Variants in ULBP1 observed in about 807,000 individuals in gnomAD.
The protein encoded by ULBP1 is UL16 binding protein 1.
Under a neutral mutation model 25.3 loss-of-function variants are expected in ULBP1, and 28 were observed. The ratio of observed to expected loss-of-function variants is 1.10; its 90% CI spans 0.82 to 1.51. The LOEUF is 1.51. ULBP1 is among the 40% of genes most tolerant of loss of function. The pLI, the probability that ULBP1 is intolerant of heterozygous loss-of-function variation, is 0.00. For missense variants in ULBP1, 348 were observed against 290.9 expected, an observed-to-expected ratio of 1.20 and a Z score of -1.43; for synonymous variants, 129 against 103.0, an observed-to-expected ratio of 1.25 and a Z score of -1.53.
intron 1 of ULBP1, among the ~76,000 whole-genome samples, chr6:149,967,727 G>A (rs1779228304): frequency 1.3e-5 from 2 of 152,094 alleles, no homozygotes; most frequent in Non-Finnish European, 2.9e-5. Flanking sequence ...CCTGCTGACA[G>A]TTGACGGCCT....
At position 149,969,328 on chromosome 6, in the gene ULBP1, T is replaced by G. The variant is rs767997484; in HGVS notation, c.593T>G (p.Leu198Trp). ...TGTAAGATGTGGCTTGAAGAATTTT[T>G]GATGTACTGGGAACAAATGCTGGAT... is the stretch of plus-strand genomic sequence containing the variant. ...GDCKMWLEEFLMYWEQMLDPT... is the reference protein window; with the variant it reads ...GDCKMWLEEFWMYWEQMLDPT... The change falls in exon 3 of 5, where the codon TTG becomes TGG. Residue 198 changes from leucine (L) to tryptophan (W), a missense_variant. Leu to Trp is a moderately conservative substitution (Grantham distance 61). Coordinates refer to ENST00000229708, the MANE Select transcript of ULBP1 (RefSeq NM_025218.4). The G allele has an allele frequency of 3.7e-6, 6 of 1,614,076 alleles. No homozygotes were observed. The highest frequency in any genetic ancestry group is 5.1e-6 in the Non-Finnish European group (6 of 1,179,892).
chr6:149,969,306 A>G lies in ULBP1; in HGVS notation c.571A>G (p.Lys191Glu). ...FFQKISLGDC[K>E]MWLEEFLMYW... ...CCAGAAGATTTCACTGGGGGATTGT[A>G]AGATGTGGCTTGAAGAATTTTTGAT... Residue 191 changes from lysine to glutamate, a missense_variant, in exon 3 of 5, where the codon AAG becomes GAG. Lys to Glu is a moderately conservative substitution (Grantham distance 56). Transcript: ENST00000229708. 1 of 1,614,242 alleles carries G rather than the reference A, an allele frequency of 6.2e-7. No homozygotes were observed. The highest frequency in any genetic ancestry group is 8.5e-7 in the Non-Finnish European group (1 of 1,180,040).
At position 149,966,510 on chromosome 6, in the gene ULBP1, C is replaced by T. The variant is rs116003865; in HGVS notation, c.86-2097C>T. Among the ~76,000 whole-genome samples, 498 of 152,262 alleles carry T rather than the reference C, an allele frequency of 3.3e-3. 2 individuals are homozygous for T. The highest frequency in any genetic ancestry group is 0.011 in the African/African-American group (438 of 41,552). On this transcript the variant is annotated intron_variant, in intron 1 of 4. Coordinates refer to ENST00000229708, the MANE Select transcript of ULBP1 (RefSeq NM_025218.4). ...ATAGGTCCCTCAGGGCAATCAGGGA[C>T]CCTCCTTAAAGCCTCAGGTGTGAGC...
Position 149,971,388 on chromosome 6 carries a change from A to G in ULBP1, c.*42A>G, listed in dbSNP as rs1753839409. ...CTCAAGGTGGAAAGTGATATCAAGA[A>G]GCCTCTGTTAGCCTGGTCTGGGTCC... On this transcript the variant is annotated 3_prime_UTR_variant, in exon 5 of 5. Transcript: ENST00000229708. 15 of 985,404 alleles carry G rather than the reference A, an allele frequency of 1.5e-5. No individual in the cohort carries two copies. Among genetic ancestry groups the G allele is most frequent in the Non-Finnish European group, 1.7e-5 (14 of 829,936 alleles). The allele number at this position is 985,404 out of a possible 1,614,324, so 61.0% of individuals were successfully genotyped here. A position where few individuals can be genotyped will look rare whatever the true frequency, so the allele number is the denominator to read the frequency against.
chr6:149,971,241 G>A lies in ULBP1; in HGVS notation c.*23-128G>A, dbSNP rs145361860. 174 of 626,938 alleles carry A rather than the reference G, an allele frequency of 2.8e-4. 1 individual carries two copies. The African/African-American group carries it at 3.4e-3, about 12-fold the overall frequency. 38.8% of individuals were successfully genotyped at this position (626,938 alleles called of 1,614,324 possible). A position where few individuals can be genotyped will look rare whatever the true frequency, so the allele number is the denominator to read the frequency against. ...AGGGTACAGAGCCAGGGGTAGTGTTGGAGGGAAAAGCATGTTTCTTATTTG... is the reference window on the plus strand; with the variant it reads ...AGGGTACAGAGCCAGGGGTAGTGTTAGAGGGAAAAGCATGTTTCTTATTTG... On this transcript the variant is annotated intron_variant, in intron 4 of 4. Transcript: ENST00000229708.
Position 149,971,284 on chromosome 6 carries a change from T to C in ULBP1, c.*23-85T>C, listed in dbSNP as rs73779716. ...CTTATTTGTGGGAGAGGTTCCGAAATGGGGAGGGCCTGGGAAGGATCACCC... is the reference window on the plus strand; with the variant it reads ...CTTATTTGTGGGAGAGGTTCCGAAACGGGGAGGGCCTGGGAAGGATCACCC... On this transcript the variant is annotated intron_variant, in intron 4 of 4. Coordinates refer to ENST00000229708, the MANE Select transcript of ULBP1 (RefSeq NM_025218.4). 6.8e-3 allele frequency: 6,346 copies of C among 933,910 alleles called. 356 individuals are homozygous for C. The African/African-American group carries it at 0.11, about 16-fold the overall frequency. The allele number at this position is 933,910 out of a possible 1,614,324, so 57.9% of individuals were successfully genotyped here.
intron 1 of ULBP1, 33 bp downstream of exon 1, chr6:149,964,167 G>A (rs769637917): frequency 5.6e-6 from 9 of 1,613,050 alleles, no homozygotes; most frequent in Middle Eastern, 1.7e-4. Flanking sequence ...AGCAGGGCGG[G>A]GGCCAAACCT....
intron 1 of ULBP1, among the ~76,000 whole-genome samples, chr6:149,966,094 A>G (rs1483776114): frequency 6.6e-6 from 1 of 152,084 alleles, no homozygotes; most frequent in East Asian, 1.9e-4. Context: ...AGGGTCATAT[A>G]GAATAGTCAC....
intron 1 of ULBP1, among the ~76,000 whole-genome samples, chr6:149,964,996 C>G (rs1359353334): frequency 6.7e-6 from 1 of 150,022 alleles, no homozygotes; most frequent in Non-Finnish European, 1.5e-5. Flanking sequence ...CTCAGTTCCC[C>G]TCCGCGGCTC....
intron 4 of ULBP1, 90 bp downstream of exon 4, chr6:149,970,237 G>A: frequency 6.8e-7 from 1 of 1,478,034 alleles, no homozygotes; most frequent in Non-Finnish European, 9.0e-7. Context: ...CCAGAGGCCG[G>A]GAACTTCTCA....
intron 1 of ULBP1, among the ~76,000 whole-genome samples, chr6:149,966,976 G>A (rs1440815761): frequency 9.2e-5 from 14 of 152,168 alleles, no homozygotes; most frequent in South Asian, 2.1e-4. Flanking sequence ...TAGGTCCAGC[G>A]TCACCCCTCA....
At chr6:149,969,465 G>C (rs1779270181) in intron 3 of ULBP1, 105 bp downstream of exon 3, 1 of 1,499,538 alleles carries the variant, frequency 6.7e-7, no homozygotes. Context: ...GTATGAACAT[G>C]ACCCCCTCAT....
At chr6:149,966,018 G>A (rs56363137) in intron 1 of ULBP1, among the ~76,000 whole-genome samples, 1 of 151,580 alleles carries the variant, frequency 6.6e-6, no homozygotes, top group African/African-American at 2.4e-5. Context: ...TGGGAGCGCC[G>A]GTGAGTAGAG....
In ULBP1 at chr6:149,971,696, G is replaced by C. The variant is rs1227590551; in HGVS notation, c.*350G>C. ...TTTTTTTTCTACTTCTTTGATTGTA[G>C]AAAAGCAGACACTTCTCTGAAACAT... On this transcript the variant is annotated 3_prime_UTR_variant, in exon 5 of 5. Transcript: ENST00000229708. 1 of 152,122 alleles carries C rather than the reference G, an allele frequency of 6.6e-6. No homozygotes were observed. The highest frequency in any genetic ancestry group is 1.5e-5 in the Non-Finnish European group (1 of 68,032). The allele number at this position is 152,122 out of a possible 1,614,324, so 9.4% of individuals were successfully genotyped here.
In ULBP1 at chr6:149,968,693, G is replaced by A. The variant is rs1779249319; in HGVS notation, c.172G>A (p.Glu58Lys). ...GTGTGAAGTTCAAGGCCTGGTGGAT[G>A]AAAGGCCTTTTCTTCACTATGACTG... The part of the protein sequence containing the change: ...QWCEVQGLVD[E>K]RPFLHYDCVN... Residue 58 changes from glutamate to lysine, a missense_variant, in exon 2 of 5, where the codon GAA (glutamate) becomes AAA (lysine). Transcript: ENST00000229708. 2.5e-6 allele frequency: 4 copies of A among 1,614,224 alleles called. No individual in the cohort carries two copies. In the Admixed American group the frequency reaches 5.0e-5, roughly 20 times the overall value.
Position 149,972,905 on chromosome 6 carries a change from G to T in ULBP1, c.*1559G>T, listed in dbSNP as rs761524662. On this transcript the variant is annotated 3_prime_UTR_variant, in exon 5 of 5. Coordinates refer to ENST00000229708, the MANE Select transcript of ULBP1 (RefSeq NM_025218.4). ...AAAGCAAACTTGTTCAGCCACTATG[G>T]AAAGCAGTTTGGAGATTTCTCCAAG... The T allele has an allele frequency of 6.6e-5, 10 of 152,192 alleles. No homozygotes were observed. Among genetic ancestry groups the T allele is most frequent in the Non-Finnish European group, 1.0e-4 (7 of 68,036 alleles). The allele number at this position is 152,192 out of a possible 1,614,324, so 9.4% of individuals were successfully genotyped here. A position where few individuals can be genotyped will look rare whatever the true frequency, so the allele number is the denominator to read the frequency against.
At position 149,968,666 on chromosome 6, in the gene ULBP1, T is replaced by G. The variant is rs138846053; in HGVS notation, c.145T>G (p.Trp49Gly). ...TCCTAAGTCCAGACCTGAACCACAG[T>G]GGTGTGAAGTTCAAGGCCTGGTGGA... ...ITPKSRPEPQ[W>G]CEVQGLVDER... The change falls in exon 2 of 5, where the codon TGG (tryptophan) becomes GGG (glycine). Residue 49 changes from tryptophan (W) to glycine (G), a missense_variant. Transcript: ENST00000229708. 3.2e-5 allele frequency: 52 copies of G among 1,614,016 alleles called. No homozygotes were observed. The African/African-American group carries it at 6.5e-4, about 20-fold the overall frequency.
Position 149,963,989 on chromosome 6 carries a change from C to A in ULBP1, c.-61C>A, listed in dbSNP as rs933992655. The A allele has an allele frequency of 1.3e-6, 2 of 1,561,200 alleles. No individual in the cohort carries two copies. Among genetic ancestry groups the A allele is most frequent in the African/African-American group, 1.4e-5 (1 of 73,384 alleles). On this transcript the variant is annotated 5_prime_UTR_variant, in exon 1 of 5. Transcript: ENST00000229708. ...CGGGCTGGGCAGCTTTATAAACAGC[C>A]GTGGTGTGAGCCTCGAAGGGAACCA...
chr6:149,969,191 C>A lies in ULBP1; in HGVS notation c.456C>A (p.Asp152Glu). The A allele has an allele frequency of 6.2e-7, 1 of 1,614,226 alleles. No individual in the cohort carries two copies. Among genetic ancestry groups the A allele is most frequent in the Non-Finnish European group, 8.5e-7 (1 of 1,180,056 alleles). Reference sequence around the variant, plus strand: ...ATGGACAGAAGTTCCTCCTCTTTGACTCAAACAACAGAAAGTGGACAGCAC... The same window carrying A: ...ATGGACAGAAGTTCCTCCTCTTTGAATCAAACAACAGAAAGTGGACAGCAC... ...LFNGQKFLLF[D>E]SNNRKWTALH... Residue 152 changes from aspartate to glutamate, a missense_variant, in exon 3 of 5, where the codon GAC becomes GAA. Asp to Glu is a conservative substitution (Grantham distance 45, BLOSUM62 2). Transcript: ENST00000229708.
Sources: gnomAD v4.1 joint callset for allele counts (sites outside exome capture counted in the v4.1 genomes callset) on GRCh38, gnomAD v4.1.1 for gene constraint, MANE v1.5 for transcripts, NCBI Gene and HGNC (gene_info 2026-07-23, HGNC 2026-07-21) for gene names.